The following PZP variants were observed in gnomAD, a reference collection of about 807,000 sequenced individuals.
The protein encoded by PZP is pregnancy zone protein.
In PZP, 150 loss-of-function variants were observed where a neutral mutation model predicts 179.8. That is an observed-to-expected ratio of 0.83 (90% confidence interval 0.73 to 0.96). The LOEUF is 0.96. PZP is among the 40% of genes least tolerant of loss of function. The pLI, the probability that PZP is intolerant of heterozygous loss-of-function variation, is 0.00. For missense variants in PZP, 1,689 were observed against 1,764.0 expected, an observed-to-expected ratio of 0.96 and a Z score of 0.76; for synonymous variants, 624 against 652.3, an observed-to-expected ratio of 0.96 and a Z score of 0.66.
chr12:9,140,859 G>A, the PZP span, among the ~76,000 whole-genome samples: 1 of 152,142 alleles, frequency 6.6e-6, no homozygotes, highest in Non-Finnish European at 1.5e-5. Flanking sequence ...CATAAGTCAA[G>A]TTTGATTCCT....
rs1232002776 is a variant in PZP, at chr12:9,160,394, A to G, written c.2969T>C (p.Ile990Thr). The change falls in exon 24 of 36, where the codon ATC (isoleucine) becomes ACC (threonine). Residue 990 changes from isoleucine to threonine, a missense_variant. By Grantham distance (89) the Ile-to-Thr change is moderately conservative. Transcript: ENST00000261336. Reference sequence around the variant, plus strand: ...TTCATTCAGATAGTTCAAGACATAGATGTTAGGAGCAAATAGGACCATGTT... The same window carrying G: ...TTCATTCAGATAGTTCAAGACATAGGTGTTAGGAGCAAATAGGACCATGTT... ...EQNMVLFAPN[I>T]YVLNYLNETQ... 2 of 1,614,134 alleles carry G rather than the reference A, an allele frequency of 1.2e-6. No homozygotes were observed. The highest frequency in any genetic ancestry group is 2.2e-5 in the South Asian group (2 of 91,082).
intron 1 of PZP, among the ~76,000 whole-genome samples, chr12:9,207,559 G>A (rs1342319867): frequency 6.6e-6 from 1 of 152,192 alleles, no homozygotes; most frequent in African/African-American, 2.4e-5. Context: ...AGGACTGTTG[G>A]GTCCTGAACA....
In PZP at chr12:9,162,760, C is replaced by T. The variant is rs1390622425; in HGVS notation, c.2737-112G>A. On this transcript the variant is annotated intron_variant, in intron 21 of 35. Coordinates refer to ENST00000261336, the MANE Select transcript of PZP (RefSeq NM_002864.3). Reference sequence around the variant, plus strand: ...GTTTACACGAATGATGTTTACCATCCTACTCTTTTTTTCCCAACTTTTGTT... The same window carrying T: ...GTTTACACGAATGATGTTTACCATCTTACTCTTTTTTTCCCAACTTTTGTT... 16 of 887,224 alleles carry T rather than the reference C, an allele frequency of 1.8e-5. No individual in the cohort carries two copies. In the Admixed American group the frequency reaches 3.6e-4, roughly 20 times the overall value. The allele number at this position is 887,224 out of a possible 1,614,324, so 55.0% of individuals were successfully genotyped here. A position where few individuals can be genotyped will look rare whatever the true frequency, so the allele number is the denominator to read the frequency against.
the PZP span, among the ~76,000 whole-genome samples, chr12:9,142,248 G>A: frequency 1.3e-5 from 2 of 151,906 alleles, no homozygotes; most frequent in Admixed American, 1.3e-4. Flanking sequence ...TAGAAGTTAG[G>A]GTATTTCACT....
intron 14 of PZP, 30 bp from the exon 15 acceptor site, chr12:9,181,162 T>C (rs774325202): frequency 6.2e-7 from 1 of 1,613,754 alleles, no homozygotes; most frequent in South Asian, 1.1e-5. Flanking sequence ...CGTCAACCAG[T>C]GTTTTCCCTA....
rs1944149223 is a variant in PZP, at chr12:9,201,350, A to G, written c.481-3T>C. ...ACCTCAAGGTATATCAGTGGAATCTATATGATAAAAGGAAAGAAGAGATGT... is the reference window on the plus strand; with the variant it reads ...ACCTCAAGGTATATCAGTGGAATCTGTATGATAAAAGGAAAGAAGAGATGT... On this transcript the variant is annotated splice_polypyrimidine_tract_variant and splice_region_variant and intron_variant, in intron 4 of 35. Coordinates refer to ENST00000261336, the MANE Select transcript of PZP (RefSeq NM_002864.3). 1.3e-6 allele frequency: 2 copies of G among 1,557,320 alleles called. No homozygotes were observed. The highest frequency in any genetic ancestry group is 1.8e-5 in the Admixed American group (1 of 56,770).
chr12:9,158,357 C>G, intron 26 of PZP, 63 bp downstream of exon 26: 1 of 1,584,224 alleles, frequency 6.3e-7, no homozygotes, highest in Non-Finnish European at 8.6e-7. Context: ...TCCTTCCTCC[C>G]TTCACCCCTG....
At chr12:9,168,121 A>G (rs976523628) in intron 17 of PZP, among the ~76,000 whole-genome samples, 4 of 152,202 alleles carry the variant, frequency 2.6e-5, no homozygotes, top group Non-Finnish European at 5.9e-5. Context: ...GTGTTGGTGC[A>G]TTATATTTAG....
chr12:9,178,252 T>C (rs911298991), intron 15 of PZP, among the ~76,000 whole-genome samples: 2 of 152,232 alleles, frequency 1.3e-5, no homozygotes, highest in African/African-American at 4.8e-5. Flanking sequence ...AGCAGCATGA[T>C]GAAATCTCAC....
At chr12:9,169,312 TC>T (rs1212523130) in intron 16 of PZP, 117 bp downstream of exon 16, 37 of 1,035,376 alleles carry the variant, frequency 3.6e-5, no homozygotes, top group Non-Finnish European at 4.7e-5. Flanking sequence ...TTCATTTTTG[TC>T]TGCTGAAAAA....
chr12:9,158,232 C>A (rs754754880), intron 26 of PZP, among the ~76,000 whole-genome samples, 188 bp downstream of exon 26: 1 of 152,176 alleles, frequency 6.6e-6, no homozygotes, highest in African/African-American at 2.4e-5. Context: ...TGTGATTCTA[C>A]GTGTGATCCA....
the PZP span, among the ~76,000 whole-genome samples, chr12:9,137,294 C>T: frequency 6.6e-5 from 10 of 152,120 alleles, no homozygotes; most frequent in East Asian, 1.7e-3. Flanking sequence ...CTATCCATTC[C>T]CCCTAGTGTA....
intron 16 of PZP, 30 bp downstream of exon 16, chr12:9,169,400 C>A: frequency 2.0e-6 from 3 of 1,531,664 alleles, no homozygotes; most frequent in South Asian, 1.2e-5. Flanking sequence ...ACTCACAAGC[C>A]AGCATGTTAA....
intron 7 of PZP, among the ~76,000 whole-genome samples, chr12:9,198,350 A>G (rs912316037): frequency 5.3e-5 from 8 of 152,198 alleles, no homozygotes; most frequent in African/African-American, 1.9e-4. Context: ...TGTCTACTAA[A>G]AAAATGTTTC....
At chr12:9,186,064 C>A (rs776776348) in intron 13 of PZP, among the ~76,000 whole-genome samples, 88 of 152,104 alleles carry the variant, frequency 5.8e-4, no homozygotes, top group Non-Finnish European at 2.1e-4. Flanking sequence ...CCTTGACCCC[C>A]CAAAGTGCTG....
At chr12:9,202,445 G>C in intron 3 of PZP, 74 bp from the exon 4 acceptor site, 1 of 1,612,252 alleles carries the variant, frequency 6.2e-7, no homozygotes, top group Non-Finnish European at 8.5e-7. Context: ...AGGAGGCTAC[G>C]GGGCTAGGAT....
At position 9,202,686 on chromosome 12, in the gene PZP, T is replaced by TA. The variant is rs753114033; in HGVS notation, c.268-3dup. The TA allele has an allele frequency of 1.1e-4, 174 of 1,612,450 alleles. No homozygotes were observed. In the South Asian group the frequency reaches 1.8e-3, roughly 17 times the overall value. ...TGAAGAGGCTGAGATCCTTGGGAGCTAAAAAGCAAAGGATTTTTTACTACT... is the reference window on the plus strand; with the variant it reads ...TGAAGAGGCTGAGATCCTTGGGAGCTAAAAAAGCAAAGGATTTTTTACTACT... On this transcript the variant is annotated splice_polypyrimidine_tract_variant and splice_region_variant and intron_variant, in intron 2 of 35. Coordinates refer to ENST00000261336, the MANE Select transcript of PZP (RefSeq NM_002864.3).
chr12:9,152,357 A>AAG, intron 31 of PZP, 47 bp from the exon 32 acceptor site: 1 of 1,425,878 alleles, frequency 7.0e-7, no homozygotes, highest in Non-Finnish European at 9.9e-7. Context: ...ACGTGAAAGA[A>AAG]AGCCAAATTT....
intron 6 of PZP, 22 bp from the exon 7 acceptor site, chr12:9,200,470 A>G (rs1362368439): frequency 1.3e-6 from 2 of 1,540,240 alleles, no homozygotes; most frequent in South Asian, 1.2e-5. Flanking sequence ...GATAATAGGA[A>G]TAAGGAAGGT....
Sources: gnomAD v4.1 joint callset for allele counts (sites outside exome capture counted in the v4.1 genomes callset) on GRCh38, gnomAD v4.1.1 for gene constraint, MANE v1.5 for transcripts, NCBI Gene and HGNC (gene_info 2026-07-23, HGNC 2026-07-21) for gene names.